Variants in COL20A1 observed in about 807,000 individuals in gnomAD.
COL20A1 encodes collagen type XX alpha 1 chain.
COL20A1 carries 164 observed loss-of-function variants against 152.9 expected under a neutral mutation model. That is an observed-to-expected ratio of 1.07 (90% CI 0.94 to 1.22). COL20A1 has a LOEUF of 1.22. Among genes scored for constraint, COL20A1 ranks in the 50% most tolerant of loss-of-function variants. The pLI is 0.00. For missense variants in COL20A1, 1,873 were observed against 1,744.8 expected (o/e 1.07, Z -1.31); for synonymous variants, 864 against 756.0 (o/e 1.14, Z -2.34).
At chr20:63,328,652 G>A (rs1021455552) in intron 34 of COL20A1, among the ~76,000 whole-genome samples, 154 bp downstream of exon 34, 1 of 152,216 alleles carries the variant, frequency 6.6e-6, no homozygotes. Flanking sequence ...GTGAGGACAC[G>A]GGGCTTCCCT....
In COL20A1 at chr20:63,313,799, A is replaced by C. The variant is rs773759936; in HGVS notation, c.2266A>C (p.Ser756Arg). ...GGCCCTGGCCTCGGAGACCCCCGACAGCCTGCAGGTCAGCTGGACGCCCCC... is the reference window on the plus strand; with the variant it reads ...GGCCCTGGCCTCGGAGACCCCCGACCGCCTGCAGGTCAGCTGGACGCCCCC... The part of the protein sequence containing the change: ...NLALASETPD[S>R]LQVSWTPPLG... The change falls in exon 18 of 36, where the codon AGC (serine) becomes CGC (arginine). Residue 756 changes from serine (S) to arginine (R), a missense_variant. Transcript: ENST00000358894. This position sits in a 1 kb window ranked among gnomAD's most constrained non-coding sequence, Gnocchi z 5.9. 30 of 1,610,740 alleles carry C rather than the reference A, an allele frequency of 1.9e-5. No homozygotes were observed. The Admixed American group carries it at 5.0e-4, about 27-fold the overall frequency.
chr20:63,327,488 CT>C (rs1259826981), intron 31 of COL20A1: 1 of 203,912 alleles, frequency 4.9e-6, no homozygotes, highest in East Asian at 1.2e-4. Flanking sequence ...GTAGTGTCCC[CT>C]GGGGGATGCC....
intron 20 of COL20A1, 93 bp downstream of exon 20, chr20:63,315,532 AGTGGT>A (rs2068073254): frequency 8.6e-7 from 1 of 1,162,254 alleles, no homozygotes; most frequent in African/African-American, 1.5e-5. Context: ...CCTGGGACCC[AGTGGT>A]GGTGCAGTTG....
In COL20A1 at chr20:63,308,008, G is replaced by A. The variant is rs1337840250; in HGVS notation, c.693G>A (p.Trp231Ter). ...ACAGCGGGGATGCTCAGACTGAGTG[G>A]GACCTGAACTCCCTCAGCACCAAGG... ...TQYSGDAQTE[W>*]DLNSLSTKEQ... The change falls in exon 7 of 36, where the codon TGG (tryptophan) becomes TGA (stop). Residue 231 changes from tryptophan to a stop codon, truncating the protein, a stop_gained. Transcript: ENST00000358894. LOFTEE classifies it high-confidence loss of function. 1.2e-6 allele frequency: 2 copies of A among 1,612,566 alleles called. No individual in the cohort carries two copies. The highest frequency in any genetic ancestry group is 1.7e-6 in the Non-Finnish European group (2 of 1,179,742).
At position 63,319,635 on chromosome 20, in the gene COL20A1, A is replaced by G. The variant is rs1276145328; in HGVS notation, c.2916+39A>G. On this transcript the variant is annotated intron_variant, in intron 23 of 35. Coordinates refer to ENST00000358894, the MANE Select transcript of COL20A1 (RefSeq NM_020882.4). The surrounding 1 kb of genome is among the most constrained non-coding windows in gnomAD (Gnocchi z 4.4). ...TCGCGCCCCTCTCCCCCGTTCCCCC[A>G]GCTCTGGGGCAGCCCAGCCCCACAG... The G allele has an allele frequency of 2.1e-6, 3 of 1,438,072 alleles. No individual in the cohort carries two copies. Among genetic ancestry groups the G allele is most frequent in the African/African-American group, 2.8e-5 (2 of 70,802 alleles). 89.1% of individuals were successfully genotyped at this position (1,438,072 alleles called of 1,614,324 possible).
intron 3 of COL20A1, among the ~76,000 whole-genome samples, chr20:63,300,037 T>A (rs2067846931): frequency 1.3e-5 from 2 of 152,064 alleles, no homozygotes; most frequent in South Asian, 4.1e-4. Context: ...CACCTTGACC[T>A]CCCAAAGCAC....
chr20:63,327,177 A>G (rs1031825213), intron 31 of COL20A1: 5 of 228,342 alleles, frequency 2.2e-5, no homozygotes, highest in African/African-American at 4.6e-5. Flanking sequence ...TTTACCACTC[A>G]GGGACTTCCT....
At position 63,312,074 on chromosome 20, in the gene COL20A1, G is replaced by A. The variant is rs781691929; in HGVS notation, c.1803+19G>A. 17 of 1,535,436 alleles carry A rather than the reference G, an allele frequency of 1.1e-5. No individual in the cohort carries two copies. The highest frequency in any genetic ancestry group is 2.8e-5 in the African/African-American group (2 of 72,360). On this transcript the variant is annotated intron_variant, in intron 14 of 35. Transcript: ENST00000358894. ...GGGGCAGGTGAGAGCAGAGCCCTCC[G>A]GGGGCCCGAGTGTCTTGAGGGACCA... is the stretch of plus-strand genomic sequence containing the variant.
Position 63,332,971 on chromosome 20 carries a change from G to C in COL20A1, c.*2255G>C, listed in dbSNP as rs1413376763. ...AGGAAGGCAGCCTCCCCGAGACCCA[G>C]CCGACCTGCACGTCTCCCATCAGCC... On this transcript the variant is annotated 3_prime_UTR_variant, in exon 36 of 36. Coordinates refer to ENST00000358894, the MANE Select transcript of COL20A1 (RefSeq NM_020882.4). The C allele has an allele frequency of 6.6e-6, 1 of 152,238 alleles. No individual in the cohort carries two copies. The highest frequency in any genetic ancestry group is 6.5e-5 in the Admixed American group (1 of 15,288). 9.4% of individuals were successfully genotyped at this position (152,238 alleles called of 1,614,324 possible).
chr20:63,319,046 C>T lies in COL20A1; in HGVS notation c.2664-12C>T. Reference sequence around the variant, plus strand: ...TCTGCTCATGTGCCTCTCCCTCCCCCAACCCCCACAGTGACGTCTACCCAG... The same window carrying T: ...TCTGCTCATGTGCCTCTCCCTCCCCTAACCCCCACAGTGACGTCTACCCAG... On this transcript the variant is annotated splice_polypyrimidine_tract_variant and intron_variant, in intron 21 of 35. Coordinates refer to ENST00000358894, the MANE Select transcript of COL20A1 (RefSeq NM_020882.4). This position sits in a 1 kb window ranked among gnomAD's most constrained non-coding sequence, Gnocchi z 4.4. 1 of 1,597,052 alleles carries T rather than the reference C, an allele frequency of 6.3e-7. No individual in the cohort carries two copies. Among genetic ancestry groups the T allele is most frequent in the Non-Finnish European group, 8.6e-7 (1 of 1,167,048 alleles).
chr20:63,314,143 G>A lies in COL20A1; in HGVS notation c.2430G>A (p.Leu810=). The stretch of plus-strand genomic sequence containing the variant: ...AGGCAGCCACGAAGTACAGGGTCCT[G>A]GTCTCAGCTATCTATGCAGCAGGCA... ...DLQAATKYRV[L]VSAIYAAGRS... The change falls in exon 19 of 36, where the codon CTG becomes CTA. Residue 810 remains leucine, a synonymous_variant. Coordinates refer to ENST00000358894, the MANE Select transcript of COL20A1 (RefSeq NM_020882.4). The A allele has an allele frequency of 1.2e-6, 2 of 1,604,290 alleles. No homozygotes were observed. The highest frequency in any genetic ancestry group is 1.1e-5 in the South Asian group (1 of 89,300).
At position 63,314,146 on chromosome 20, in the gene COL20A1, C is replaced by T. The variant is rs1185183369; in HGVS notation, c.2433C>T (p.Val811=). The change falls in exon 19 of 36, where the codon GTC becomes GTT. Residue 811 remains valine (V), a synonymous_variant. Transcript: ENST00000358894. ...LQAATKYRVL[V]SAIYAAGRSE... Reference sequence around the variant, plus strand: ...CAGCCACGAAGTACAGGGTCCTGGTCTCAGCTATCTATGCAGCAGGCAGGA... The same window carrying T: ...CAGCCACGAAGTACAGGGTCCTGGTTTCAGCTATCTATGCAGCAGGCAGGA... The T allele has an allele frequency of 1.9e-6, 3 of 1,601,526 alleles. No individual in the cohort carries two copies. Among genetic ancestry groups the T allele is most frequent in the Admixed American group, 1.7e-5 (1 of 58,198 alleles).
chr20:63,315,424 G>C lies in COL20A1; in HGVS notation c.2509G>C (p.Asp837His), dbSNP rs1161724445. Residue 837 changes from aspartate to histidine, a missense_variant, in exon 20 of 36, where the codon GAC becomes CAC. Physicochemically the swap from Asp to His is moderately conservative, Grantham distance 81. Coordinates refer to ENST00000358894, the MANE Select transcript of COL20A1 (RefSeq NM_020882.4). ...GQTACPALRP[D>H]GSLPGFDLMV... The stretch of plus-strand genomic sequence containing the variant: ...AGCAGCCTGCCCAGCCCTCCGCCCT[G>C]ACGGCTCCCTCCCAGGTGGGTCCTG... 11 of 1,579,656 alleles carry C rather than the reference G, an allele frequency of 7.0e-6. No individual in the cohort carries two copies. The highest frequency in any genetic ancestry group is 1.8e-5 in the Admixed American group (1 of 56,448).
At position 63,313,076 on chromosome 20, in the gene COL20A1, C is replaced by T. The variant is rs771493771; in HGVS notation, c.2077-41C>T. On this transcript the variant is annotated intron_variant, in intron 16 of 35. Coordinates refer to ENST00000358894, the MANE Select transcript of COL20A1 (RefSeq NM_020882.4). The surrounding 1 kb of genome is among the most constrained non-coding windows in gnomAD (Gnocchi z 5.9). ...CTGCCCGGCCCCCCAACCTGAGGAC[C>T]CCACTGCACCCGGTGACCCCTGGGG... The T allele has an allele frequency of 6.3e-7, 1 of 1,584,852 alleles. No individual in the cohort carries two copies. Among genetic ancestry groups the T allele is most frequent in the Middle Eastern group, 1.7e-4 (1 of 6,026 alleles).
At chr20:63,299,731 C>A (rs1316779871) in intron 3 of COL20A1, among the ~76,000 whole-genome samples, 1 of 151,912 alleles carries the variant, frequency 6.6e-6, no homozygotes, top group Middle Eastern at 3.2e-3. Context: ...CAAACTTTTT[C>A]TTCAGTGAGG....
chr20:63,319,417 C>T lies in COL20A1; in HGVS notation c.2807-70C>T. ...GGCTGCTCCTGTCCTGTCGTGGGGG[C>T]CGCCCTGCTCAAGGTATAGGCCCGG... is the stretch of plus-strand genomic sequence containing the variant. On this transcript the variant is annotated intron_variant, in intron 22 of 35. Coordinates refer to ENST00000358894, the MANE Select transcript of COL20A1 (RefSeq NM_020882.4). The surrounding 1 kb of genome is among the most constrained non-coding windows in gnomAD (Gnocchi z 4.4). The T allele has an allele frequency of 1.6e-6, 2 of 1,265,670 alleles. No homozygotes were observed. The highest frequency in any genetic ancestry group is 2.1e-5 in the Admixed American group (1 of 48,238). 78.4% of individuals were successfully genotyped at this position (1,265,670 alleles called of 1,614,324 possible).
chr20:63,316,450 T>A (rs917666653), intron 20 of COL20A1, 103 bp from the exon 21 acceptor site: 410 of 329,754 alleles, frequency 1.2e-3, no homozygotes, highest in East Asian at 3.3e-3. Flanking sequence ...CCCACCGCAC[T>A]GCAGCCCCTG....
rs1004341492 is a variant in COL20A1, at chr20:63,313,388, C to T, written c.2209+139C>T. 1.1e-4 allele frequency: 102 copies of T among 966,660 alleles called. No homozygotes were observed. The highest frequency in any genetic ancestry group is 1.4e-4 in the Non-Finnish European group (93 of 666,662). The allele number at this position is 966,660 out of a possible 1,614,324, so 59.9% of individuals were successfully genotyped here. On this transcript the variant is annotated intron_variant, in intron 17 of 35. Transcript: ENST00000358894. The surrounding 1 kb of genome is among the most constrained non-coding windows in gnomAD (Gnocchi z 5.9). Reference sequence around the variant, plus strand: ...CAGAGCCCTGATCACTGGGCCTGGTCGTTGGAGTCTGCAGCACTTCCTTGA... The same window carrying T: ...CAGAGCCCTGATCACTGGGCCTGGTTGTTGGAGTCTGCAGCACTTCCTTGA...
Position 63,305,468 on chromosome 20 carries a change from T to TGGG in COL20A1, c.249_251dup (p.Gly84dup). The TGGG allele has an allele frequency of 6.3e-7, 1 of 1,596,314 alleles. No individual in the cohort carries two copies. The highest frequency in any genetic ancestry group is 8.5e-7 in the Non-Finnish European group (1 of 1,172,696). ...ACCACCAAGACCCCTAAGGCCACAG[T>TGGG]GGGGGGCCTGAGCCCCTCCAAGGGC... On this transcript the variant is annotated inframe_insertion, in exon 4 of 36. Transcript: ENST00000358894. This position sits in a 1 kb window ranked among gnomAD's most constrained non-coding sequence, Gnocchi z 4.9.
Sources: gnomAD v4.1 joint callset for allele counts (sites outside exome capture counted in the v4.1 genomes callset) on GRCh38, gnomAD v4.1.1 for gene constraint, Gnocchi (gnomAD v3.1) non-coding constraint, MANE v1.5 for transcripts, NCBI Gene and HGNC (gene_info 2026-07-23, HGNC 2026-07-21) for gene names.